Variants in NTRK3 observed in about 807,000 individuals in gnomAD.
NTRK3 encodes the protein neurotrophic receptor tyrosine kinase 3.
A neutral mutation model predicts 91.7 loss-of-function variants in NTRK3; 24 were observed. The ratio of observed to expected loss-of-function variants is 0.26; its 90% CI spans 0.19 to 0.37. The LOEUF (loss-of-function observed/expected upper bound fraction) is 0.37. Ranked by LOEUF, NTRK3 falls within the 10% of genes least tolerant of loss-of-function variation. NTRK3 has a pLI of 1.00. For missense variants in NTRK3, 880 were observed against 1,068.9 expected (o/e 0.82, Z 2.46); for synonymous variants, 483 against 404.0 (o/e 1.20, Z -2.34).
At chr15:88,248,598 C>T (rs2053067683) in intron 3 of NTRK3, among the ~76,000 whole-genome samples, 1 of 152,056 alleles carries the variant, frequency 6.6e-6, no homozygotes, top group Admixed American at 6.6e-5. Context: ...AGAGCATAGG[C>T]AGTATAGCTT....
chr15:88,228,684 C>A (rs751725752), intron 3 of NTRK3, among the ~76,000 whole-genome samples: 9 of 152,186 alleles, frequency 5.9e-5, no homozygotes, highest in Non-Finnish European at 1.2e-4. Flanking sequence ...TTGGGGTCAT[C>A]ACTGTGATCC....
At chr15:88,125,438 C>T (rs751409829) in intron 13 of NTRK3, among the ~76,000 whole-genome samples, 8 of 152,166 alleles carry the variant, frequency 5.3e-5, no homozygotes, top group Non-Finnish European at 1.2e-4. Context: ...CCTGGCTCAG[C>T]AAACTGATAA....
intron 5 of NTRK3, among the ~76,000 whole-genome samples, chr15:88,180,785 G>C (rs1396697166): frequency 6.6e-6 from 1 of 151,712 alleles, no homozygotes; most frequent in East Asian, 1.9e-4. Context: ...ACTTGTAAAT[G>C]CATTTAGAGG....
chr15:88,028,449 T>C (rs896529705), intron 14 of NTRK3, among the ~76,000 whole-genome samples: 2 of 152,068 alleles, frequency 1.3e-5, no homozygotes, highest in African/African-American at 4.8e-5. Flanking sequence ...CAAAGTGATC[T>C]TGGATGGAGA....
exon 19 of NTRK3, chr15:87,861,759 T>G: frequency 5.1e-6 from 1 of 194,900 alleles, no homozygotes; most frequent in African/African-American, 2.3e-5. Flanking sequence ...CCCTTGAAAA[T>G]TTTAGGAATT....
At chr15:87,996,221 G>A (rs2075690571) in intron 14 of NTRK3, among the ~76,000 whole-genome samples, 1 of 152,116 alleles carries the variant, frequency 6.6e-6, no homozygotes, top group African/African-American at 2.4e-5. Flanking sequence ...TCCAGCCTGG[G>A]CGACAGAGAG....
intron 13 of NTRK3, among the ~76,000 whole-genome samples, chr15:88,055,879 G>A (rs1461678221): frequency 6.6e-6 from 1 of 152,138 alleles, no homozygotes; most frequent in Non-Finnish European, 1.5e-5. Flanking sequence ...TAGAGTTCAG[G>A]TTGTTGCCTT....
chr15:87,915,738 T>C (rs1038881048), intron 17 of NTRK3, among the ~76,000 whole-genome samples: 2 of 152,220 alleles, frequency 1.3e-5, no homozygotes, highest in East Asian at 1.9e-4. Context: ...TTCTTTTACA[T>C]AGAATAATAG....
chr15:88,013,061 G>A (rs539007026), intron 14 of NTRK3, among the ~76,000 whole-genome samples: 2 of 142,948 alleles, frequency 1.4e-5, no homozygotes, highest in African/African-American at 5.2e-5. Flanking sequence ...CCGTGCACTG[G>A]TAAAGACCCA....
At chr15:88,049,440 T>A (rs1160486928) in intron 13 of NTRK3, among the ~76,000 whole-genome samples, 1 of 152,216 alleles carries the variant, frequency 6.6e-6, no homozygotes, top group Admixed American at 6.5e-5. Flanking sequence ...TTAAAATTCA[T>A]GTAATTTTAA....
At chr15:87,923,485 G>T (rs1319369851) in intron 17 of NTRK3, among the ~76,000 whole-genome samples, 1 of 152,154 alleles carries the variant, frequency 6.6e-6, no homozygotes, top group African/African-American at 2.4e-5. Flanking sequence ...TGTAGCAGAG[G>T]ACTACTCCTC....
At chr15:88,156,077 T>C (rs1046464054) in intron 5 of NTRK3, among the ~76,000 whole-genome samples, 2 of 152,202 alleles carry the variant, frequency 1.3e-5, no homozygotes, top group Non-Finnish European at 2.9e-5. Flanking sequence ...ACTGTCATTA[T>C]AAGTTCTCCA....
chr15:88,101,457 G>T (rs1168029510), intron 13 of NTRK3, among the ~76,000 whole-genome samples: 1 of 152,216 alleles, frequency 6.6e-6, no homozygotes, highest in Non-Finnish European at 1.5e-5. Flanking sequence ...AAGTCAGTGT[G>T]GCGATTCCTC....
At chr15:88,121,187 T>G (rs1343486835) in intron 13 of NTRK3, among the ~76,000 whole-genome samples, 1 of 152,224 alleles carries the variant, frequency 6.6e-6, no homozygotes, top group African/African-American at 2.4e-5. Context: ...TTAAATAATT[T>G]TGATGCTCAC....
At chr15:88,129,624 C>T (rs148161116) in intron 10 of NTRK3, among the ~76,000 whole-genome samples, 6 of 152,174 alleles carry the variant, frequency 3.9e-5, no homozygotes, top group Admixed American at 2.0e-4. Flanking sequence ...ATTTCAGGGC[C>T]GGACCAGGGA....
chr15:88,132,916 T>A (rs1374082785), intron 10 of NTRK3, among the ~76,000 whole-genome samples: 2 of 152,150 alleles, frequency 1.3e-5, no homozygotes, highest in African/African-American at 4.8e-5. Flanking sequence ...GCTTTCTCTT[T>A]GAGTTTCTCT....
chr15:87,900,975 G>A (rs192047376), intron 17 of NTRK3, among the ~76,000 whole-genome samples: 1 of 152,166 alleles, frequency 6.6e-6, no homozygotes, highest in East Asian at 1.9e-4. Flanking sequence ...GAAGGTTAGA[G>A]CTCTGAGGTC....
In NTRK3 at chr15:87,899,366, C is replaced by T. The variant is rs540025588; in HGVS notation, c.2134-18938G>A. On this transcript the variant is annotated intron_variant, in intron 17 of 18. Coordinates refer to ENST00000394480, the Ensembl canonical transcript of NTRK3. ...CTGCTATAATAAGCAAAAGGAGACC[C>T]ACCCCTCCTTTCTCCTTCCCCCACC... Among the ~76,000 whole-genome samples, 647 of 152,108 alleles carry T rather than the reference C, an allele frequency of 4.3e-3. 9 individuals carry two copies. The highest frequency in any genetic ancestry group is 0.015 in the African/African-American group (619 of 41,498).
intron 13 of NTRK3, among the ~76,000 whole-genome samples, chr15:88,115,817 GCGGGCAGCC>G (rs2051993535): frequency 1.3e-5 from 2 of 152,144 alleles, no homozygotes; most frequent in African/African-American, 4.8e-5. Context: ...TCTGAGGCCG[GCGGGCAGCC>G]CGGGCAGCCC....
Sources: gnomAD v4.1 joint callset for allele counts (sites outside exome capture counted in the v4.1 genomes callset) on GRCh38, gnomAD v4.1.1 for gene constraint, MANE v1.5 for transcripts, NCBI Gene and HGNC (gene_info 2026-07-23, HGNC 2026-07-21) for gene names.